SV2B: variants seen among roughly 807,000 people sequenced by gnomAD.
SV2B encodes synaptic vesicle glycoprotein 2B.
A neutral mutation model predicts 73.9 loss-of-function variants in SV2B; 41 were observed. That is an observed-to-expected ratio of 0.56 (90% CI 0.43 to 0.72). SV2B has a LOEUF of 0.72. Ranked by LOEUF, SV2B falls within the 30% of genes least tolerant of loss-of-function variation. SV2B has a pLI of 0.00. For missense variants in SV2B, 764 were observed against 857.8 expected, an observed-to-expected ratio of 0.89 and a Z score of 1.37; for synonymous variants, 314 against 314.2, an observed-to-expected ratio of 1.00 and a Z score of 0.01.
intron 1 of SV2B, among the ~76,000 whole-genome samples, chr15:91,205,354 G>A (rs918813395): frequency 6.6e-6 from 1 of 151,874 alleles, no homozygotes; most frequent in African/African-American, 2.4e-5. Flanking sequence ...TGGAGGTGCT[G>A]AATAGGATAA....
At chr15:91,263,575 CACAG>C (rs1182622257) in intron 6 of SV2B, among the ~76,000 whole-genome samples, 2 of 151,800 alleles carry the variant, frequency 1.3e-5, no homozygotes, top group Non-Finnish European at 2.9e-5. Flanking sequence ...CACACACAGA[CACAG>C]ACACAGACAC....
chr15:91,200,868 G>A (rs1175804975), intron 1 of SV2B, among the ~76,000 whole-genome samples: 1 of 152,156 alleles, frequency 6.6e-6, no homozygotes, highest in African/African-American at 2.4e-5. Context: ...CCATGATCGT[G>A]CCTCTGCACT....
intron 6 of SV2B, 76 bp downstream of exon 6, chr15:91,260,485 G>C: frequency 8.6e-7 from 1 of 1,161,182 alleles, no homozygotes; most frequent in African/African-American, 1.6e-5. Context: ...AGTAATTTAA[G>C]CACATAACAG....
In SV2B at chr15:91,270,847, C is replaced by T. The variant is rs144365285; in HGVS notation, c.1373+2242C>T. ...GTGAATCCTGTGGATGATGGGGGGA[C>T]GGTGAATCCTGTGGATGATGGGCGG... On this transcript the variant is annotated intron_variant, in intron 9 of 12. Coordinates refer to ENST00000394232, the MANE Select transcript of SV2B (RefSeq NM_001323032.3). Among the ~76,000 whole-genome samples, 292 of 86,090 alleles carry T rather than the reference C, an allele frequency of 3.4e-3. 9 individuals carry two copies. The highest frequency in any genetic ancestry group is 0.022 in the African/African-American group (247 of 11,122). 56.5% of individuals were successfully genotyped at this position (86,090 alleles called of 152,430 possible).
intron 2 of SV2B, among the ~76,000 whole-genome samples, chr15:91,248,156 C>T (rs1030721420): frequency 1.3e-5 from 2 of 152,048 alleles, no homozygotes; most frequent in Non-Finnish European, 2.9e-5. Flanking sequence ...CCCGTCTCTA[C>T]TAAAAATACA....
At chr15:91,175,978 T>G (rs1207446195) in intron 1 of SV2B, among the ~76,000 whole-genome samples, 1 of 151,928 alleles carries the variant, frequency 6.6e-6, no homozygotes, top group Non-Finnish European at 1.5e-5. Context: ...CATGCTGGTG[T>G]GCTGCACCCA....
At chr15:91,174,783 G>A (rs1227531719) in intron 1 of SV2B, among the ~76,000 whole-genome samples, 1 of 152,198 alleles carries the variant, frequency 6.6e-6, no homozygotes, top group Non-Finnish European at 1.5e-5. Flanking sequence ...GGCCACTCCT[G>A]GATGGGCCAG....
intron 1 of SV2B, among the ~76,000 whole-genome samples, chr15:91,175,194 A>C (rs1050483079): frequency 4.6e-5 from 7 of 152,084 alleles, no homozygotes; most frequent in Admixed American, 3.3e-4. Context: ...ATTTTATCTC[A>C]TTGATGTGTC....
chr15:91,201,067 T>A (rs1430080945), intron 1 of SV2B, among the ~76,000 whole-genome samples: 1 of 152,224 alleles, frequency 6.6e-6, no homozygotes, highest in African/African-American at 2.4e-5. Flanking sequence ...ATACTTTCAG[T>A]AAAATGGACA....
chr15:91,152,513 G>A (rs1435953972), intron 1 of SV2B, among the ~76,000 whole-genome samples: 1 of 152,126 alleles, frequency 6.6e-6, no homozygotes. Flanking sequence ...TTTACATCTT[G>A]TCCTTAAATA....
In SV2B at chr15:91,297,935, G is replaced by A. The variant is rs1405994321; in HGVS notation, c.*5383G>A. 1 of 152,174 alleles carries A rather than the reference G, an allele frequency of 6.6e-6. No individual in the cohort carries two copies. Among genetic ancestry groups the A allele is most frequent in the Non-Finnish European group, 1.5e-5 (1 of 68,076 alleles). 9.4% of individuals were successfully genotyped at this position (152,174 alleles called of 1,614,324 possible). ...CCTGGGGGTTGGTGATCTTTGTTTT[G>A]GCCATTTCCACCTGGTGAAGATTTT... On this transcript the variant is annotated 3_prime_UTR_variant, in exon 13 of 13. Coordinates refer to ENST00000394232, the MANE Select transcript of SV2B (RefSeq NM_001323032.3). The surrounding 1 kb of genome is among the most constrained non-coding windows in gnomAD (Gnocchi z 5.1).
At chr15:91,287,252 G>A (rs955749242) in intron 11 of SV2B, among the ~76,000 whole-genome samples, 10 of 152,162 alleles carry the variant, frequency 6.6e-5, no homozygotes, top group Non-Finnish European at 1.3e-4. Flanking sequence ...GTGACACTCC[G>A]GGCTGAGGAC....
chr15:91,207,275 G>A (rs1250271409), intron 1 of SV2B, among the ~76,000 whole-genome samples: 1 of 146,200 alleles, frequency 6.8e-6, no homozygotes, highest in Non-Finnish European at 1.5e-5. Context: ...CTCTTACCTT[G>A]GCCTCCCAAA....
At chr15:91,204,840 G>A (rs1247456323) in intron 1 of SV2B, among the ~76,000 whole-genome samples, 1 of 152,070 alleles carries the variant, frequency 6.6e-6, no homozygotes, top group Admixed American at 6.6e-5. Flanking sequence ...ACAGGTGTGA[G>A]CCAATGCACC....
intron 2 of SV2B, 31 bp from the exon 3 acceptor site, chr15:91,251,788 C>A: frequency 6.2e-7 from 1 of 1,603,734 alleles, no homozygotes; most frequent in Non-Finnish European, 8.5e-7. Flanking sequence ...TCTTTTCTCT[C>A]TATTCTCTCC....
intron 1 of SV2B, among the ~76,000 whole-genome samples, chr15:91,180,159 G>A (rs1401155395): frequency 6.6e-6 from 1 of 152,082 alleles, no homozygotes. Flanking sequence ...ATGAAGCTTA[G>A]TTTGGCTGGA....
intron 1 of SV2B, among the ~76,000 whole-genome samples, chr15:91,208,122 A>G (rs530985569): frequency 1.3e-5 from 2 of 152,244 alleles, no homozygotes; most frequent in East Asian, 3.9e-4. Context: ...CCCCATCAAT[A>G]TCGACAGTCT....
At chr15:91,116,557 C>G (rs929734979) in intron 1 of SV2B, among the ~76,000 whole-genome samples, 1 of 152,070 alleles carries the variant, frequency 6.6e-6, no homozygotes, top group Non-Finnish European at 1.5e-5. Flanking sequence ...TAGAATTTCC[C>G]GTGGGACTTT....
In SV2B at chr15:91,281,985, C is replaced by T. The variant is rs2048697169; in HGVS notation, c.1507+124C>T. The T allele has an allele frequency of 1.7e-6, 2 of 1,174,474 alleles. No individual in the cohort carries two copies. Among genetic ancestry groups the T allele is most frequent in the Non-Finnish European group, 2.3e-6 (2 of 877,570 alleles). 72.8% of individuals were successfully genotyped at this position (1,174,474 alleles called of 1,614,324 possible). On this transcript the variant is annotated intron_variant, in intron 10 of 12. Transcript: ENST00000394232. The surrounding 1 kb of genome is among the most constrained non-coding windows in gnomAD (Gnocchi z 4.7). ...AGTATTCGTAGATACAAATGCCAAG[C>T]CTTGGTGGGGAAATGGATTTTAGCC...
Sources: allele counts gnomAD v4.1 joint callset (sites outside exome capture counted in the v4.1 genomes callset), GRCh38; gene constraint gnomAD v4.1.1; non-coding constraint Gnocchi (gnomAD v3.1); transcripts MANE v1.5; gene names NCBI Gene and HGNC (gene_info 2026-07-23, HGNC 2026-07-21).